The following ANGPT1 variants were observed in gnomAD, a reference collection of about 807,000 sequenced individuals.
The protein encoded by ANGPT1 is angiopoietin 1.
In ANGPT1, 17 loss-of-function variants were observed where a neutral mutation model predicts 62.2. That is an observed-to-expected ratio of 0.27 (90% CI 0.19 to 0.41). The LOEUF is 0.41. Among genes scored for constraint, ANGPT1 ranks in the 10% least tolerant of loss-of-function variants. The pLI is 1.00. For missense variants in ANGPT1, 478 were observed against 594.9 expected, an observed-to-expected ratio of 0.80 and a Z score of 2.04; for synonymous variants, 199 against 198.9, an observed-to-expected ratio of 1.00 and a Z score of 0.00.
At chr8:107,348,539 G>GA (rs1412829967) in intron 1 of ANGPT1, among the ~76,000 whole-genome samples, 10 of 151,572 alleles carry the variant, frequency 6.6e-5, no homozygotes, top group Non-Finnish European at 1.0e-4. Flanking sequence ...ACATAGGAGG[G>GA]AAAAAAATTC....
At chr8:107,258,471 A>G (rs1286451816) in intron 8 of ANGPT1, among the ~76,000 whole-genome samples, 1 of 152,194 alleles carries the variant, frequency 6.6e-6, no homozygotes. Context: ...TACTGAGTAC[A>G]ATACAAAATT....
chr8:107,388,100 T>G (rs1816766776), intron 1 of ANGPT1, among the ~76,000 whole-genome samples: 1 of 152,146 alleles, frequency 6.6e-6, no homozygotes, highest in African/African-American at 2.4e-5. Context: ...ATTCATATTT[T>G]CACAACTTAG....
intron 1 of ANGPT1, among the ~76,000 whole-genome samples, chr8:107,379,186 C>T (rs949827354): frequency 6.6e-6 from 1 of 151,930 alleles, no homozygotes; most frequent in Admixed American, 6.6e-5. Context: ...AAATGCAGAC[C>T]AACTATTAGT....
At chr8:107,412,255 G>A (rs1810607668) in intron 1 of ANGPT1, among the ~76,000 whole-genome samples, 1 of 152,128 alleles carries the variant, frequency 6.6e-6, no homozygotes, top group Non-Finnish European at 1.5e-5. Flanking sequence ...CCATACTGAA[G>A]CCAAACATTG....
chr8:107,294,324 C>A, intron 5 of ANGPT1: 2 of 213,442 alleles, frequency 9.4e-6, no homozygotes, highest in Non-Finnish European at 1.8e-5. Flanking sequence ...TTTAAAAAAT[C>A]TTTGTTTTAA....
At chr8:107,390,909 A>G (rs1053743697) in intron 1 of ANGPT1, among the ~76,000 whole-genome samples, 1 of 152,130 alleles carries the variant, frequency 6.6e-6, no homozygotes, top group Non-Finnish European at 1.5e-5. Context: ...TGCCTCTGCT[A>G]CTTATCCCTT....
chr8:107,325,843 G>A (rs1022037567), intron 3 of ANGPT1, among the ~76,000 whole-genome samples: 11 of 151,962 alleles, frequency 7.2e-5, no homozygotes, highest in South Asian at 2.1e-4. Flanking sequence ...GCTGCTATCT[G>A]AGATGTCAGT....
chr8:107,337,335 T>C (rs562549619), intron 2 of ANGPT1, among the ~76,000 whole-genome samples: 1 of 152,182 alleles, frequency 6.6e-6, no homozygotes, highest in East Asian at 1.9e-4. Context: ...CCACTATTAC[T>C]ACTCTGGTGG....
chr8:107,476,255 A>G (rs1040037454), intron 1 of ANGPT1, among the ~76,000 whole-genome samples: 2 of 152,238 alleles, frequency 1.3e-5, no homozygotes, highest in African/African-American at 4.8e-5. Flanking sequence ...CTATGCAGCC[A>G]TAAAAAAGGA....
At chr8:107,348,878 A>G (rs1391351463) in intron 1 of ANGPT1, among the ~76,000 whole-genome samples, 1 of 152,228 alleles carries the variant, frequency 6.6e-6, no homozygotes, top group Non-Finnish European at 1.5e-5. Context: ...TAACTTGTCA[A>G]GCCAGAATGT....
chr8:107,264,197 A>G (rs1443694374), intron 8 of ANGPT1, 24 bp downstream of exon 8: 13 of 1,604,370 alleles, frequency 8.1e-6, no homozygotes, highest in Non-Finnish European at 1.1e-5. Flanking sequence ...AACATAGCTT[A>G]GAGAATGGCC....
chr8:107,285,874 T>C (rs1369868228), intron 6 of ANGPT1, among the ~76,000 whole-genome samples: 1 of 152,058 alleles, frequency 6.6e-6, no homozygotes, highest in Non-Finnish European at 1.5e-5. Context: ...AGAAACTGTG[T>C]TGTATTTGTG....
At chr8:107,308,060 C>T (rs1225695089) in intron 4 of ANGPT1, among the ~76,000 whole-genome samples, 1 of 152,094 alleles carries the variant, frequency 6.6e-6, no homozygotes, top group African/African-American at 2.4e-5. Context: ...TTCTTATCCT[C>T]TCTTAGTTCA....
At chr8:107,496,092 C>A (rs921231644) in intron 1 of ANGPT1, among the ~76,000 whole-genome samples, 1 of 152,164 alleles carries the variant, frequency 6.6e-6, no homozygotes, top group Non-Finnish European at 1.5e-5. Flanking sequence ...AGCATTTGTC[C>A]TTTCCCTATC....
chr8:107,413,252 C>G (rs1047216741), intron 1 of ANGPT1, among the ~76,000 whole-genome samples: 1 of 152,106 alleles, frequency 6.6e-6, no homozygotes, highest in Non-Finnish European at 1.5e-5. Context: ...ATTATGAACA[C>G]ATTAAATTTG....
At position 107,330,939 on chromosome 8, in the gene ANGPT1, G is replaced by C. The variant is rs555988810; in HGVS notation, c.575+5211C>G. ...ATTTTAAAAATTAACAGGGAAAAAA[G>C]GTAACATTCTAGTATGTAGGTGTTC... On this transcript the variant is annotated intron_variant, in intron 3 of 8. Transcript: ENST00000517746. Among the ~76,000 whole-genome samples the C allele has an allele frequency of 2.5e-3, 376 of 151,972 alleles. 3 individuals carry two copies. Among genetic ancestry groups the C allele is most frequent in the Non-Finnish European group, 1.8e-3 (124 of 67,932 alleles).
intron 1 of ANGPT1, among the ~76,000 whole-genome samples, chr8:107,483,430 A>G (rs907939191): frequency 6.6e-6 from 1 of 152,138 alleles, no homozygotes; most frequent in African/African-American, 2.4e-5. Flanking sequence ...AGGTCTCCTT[A>G]GTACATTAGT....
chr8:107,378,447 T>C (rs1227797742), intron 1 of ANGPT1, among the ~76,000 whole-genome samples: 1 of 152,230 alleles, frequency 6.6e-6, no homozygotes, highest in Non-Finnish European at 1.5e-5. Context: ...AGGTATTATG[T>C]ACCTAAATAC....
chr8:107,404,324 A>C (rs1259346635), intron 1 of ANGPT1, among the ~76,000 whole-genome samples: 6 of 152,124 alleles, frequency 3.9e-5, no homozygotes, highest in African/African-American at 1.2e-4. Context: ...AGAAGAATAA[A>C]AGTTCAACCC....
Sources: gnomAD v4.1 joint callset for allele counts (sites outside exome capture counted in the v4.1 genomes callset) on GRCh38, gnomAD v4.1.1 for gene constraint, MANE v1.5 for transcripts, NCBI Gene and HGNC (gene_info 2026-07-23, HGNC 2026-07-21) for gene names.